COMMD5: variants seen among roughly 807,000 people sequenced by gnomAD.
COMMD5 encodes the protein COMM domain-containing protein 5.
A neutral mutation model predicts 6.9 loss-of-function variants in COMMD5; 10 were observed. That is an observed-to-expected ratio of 1.44 (90% CI 0.89 to 2.45). COMMD5 has a LOEUF of 2.45. COMMD5 is among the 30% of genes most tolerant of loss of function. COMMD5 has a pLI of 0.00. For missense variants in COMMD5, 234 were observed against 287.8 expected (o/e 0.81, Z 1.35); for synonymous variants, 127 against 125.3 (o/e 1.01, Z -0.09).
At position 144,852,847 on chromosome 8, in the gene COMMD5, G is replaced by T. The variant is rs971238961; in HGVS notation, c.-66C>A. 2 of 152,234 alleles carry T rather than the reference G, an allele frequency of 1.3e-5. No homozygotes were observed. Among genetic ancestry groups the T allele is most frequent in the African/African-American group, 4.8e-5 (2 of 41,458 alleles). 9.4% of individuals were successfully genotyped at this position (152,234 alleles called of 1,614,324 possible). A position where few individuals can be genotyped will look rare whatever the true frequency, so the allele number is the denominator to read the frequency against. On this transcript the variant is annotated 5_prime_UTR_variant, in exon 1 of 2. Coordinates refer to ENST00000305103, the MANE Select transcript of COMMD5 (RefSeq NM_014066.4). The stretch of plus-strand genomic sequence containing the variant: ...GTTCGGGGCCAACCTACCGGCGGGC[G>T]CTCCTCCGCGGAAAAGCCCCGCAGT...
chr8:144,850,370 T>C lies in COMMD5; in HGVS notation c.*294A>G. ...ATGTTGTCTACAAAGGGCCTCAACCTGGCCTCACATGGCCACGTCCAGCAC... is the reference window on the plus strand; with the variant it reads ...ATGTTGTCTACAAAGGGCCTCAACCCGGCCTCACATGGCCACGTCCAGCAC... On this transcript the variant is annotated 3_prime_UTR_variant, in exon 2 of 2. Coordinates refer to ENST00000305103, the MANE Select transcript of COMMD5 (RefSeq NM_014066.4). The surrounding 1 kb of genome is among the most constrained non-coding windows in gnomAD (Gnocchi z 4.0). The C allele has an allele frequency of 2.9e-6, 1 of 342,056 alleles. No homozygotes were observed. The allele number at this position is 342,056 out of a possible 1,614,324, so 21.2% of individuals were successfully genotyped here. A position where few individuals can be genotyped will look rare whatever the true frequency, so the allele number is the denominator to read the frequency against.
At chr8:144,843,054 AATT>A in intron 1 of COMMD5, 1 of 1,614,078 alleles carries the variant, frequency 6.2e-7, no homozygotes, top group Non-Finnish European at 8.5e-7. Flanking sequence ...GTTCACACCT[AATT>A]ATACACCAGA....
downstream of COMMD5, chr8:144,838,599 G>C (rs1829375075): frequency 6.4e-6 from 1 of 156,598 alleles, no homozygotes; most frequent in Admixed American, 6.4e-5. Flanking sequence ...GAGGCCACCG[G>C]CTTGTAGGGG....
chr8:144,844,631 C>A (rs2130747987), intron 1 of COMMD5, among the ~76,000 whole-genome samples: 1 of 147,860 alleles, frequency 6.8e-6, no homozygotes, highest in African/African-American at 2.5e-5. Flanking sequence ...ATGGTGTGAA[C>A]CTGGGAGGCA....
downstream of COMMD5, chr8:144,838,319 C>T (rs1239342539): frequency 6.8e-6 from 4 of 586,058 alleles, no homozygotes; most frequent in East Asian, 5.7e-5. Flanking sequence ...CAAACAAGGT[C>T]ACATTCTGAG....
At chr8:144,842,593 C>G in intron 1 of COMMD5, 1 of 1,614,202 alleles carries the variant, frequency 6.2e-7, no homozygotes, top group East Asian at 2.2e-5. Flanking sequence ...TGGAGAGAAA[C>G]CCTATGTGTG....
At chr8:144,841,356 T>C (rs1482094330) in exon 2 of COMMD5, 1 of 1,597,410 alleles carries the variant, frequency 6.3e-7, no homozygotes, top group Non-Finnish European at 8.6e-7. Context: ...TTATTTCAGA[T>C]TCTACGATTA....
rs779102435 is a variant in COMMD5, at chr8:144,850,925, A to C, written c.414T>G (p.Leu138=). 5 of 1,607,912 alleles carry C rather than the reference A, an allele frequency of 3.1e-6. No individual in the cohort carries two copies. The African/African-American group carries it at 6.7e-5, about 21-fold the overall frequency. The change falls in exon 2 of 2, where the codon CTT becomes CTG. Residue 138 remains leucine, a synonymous_variant. Transcript: ENST00000305103. The surrounding 1 kb of genome is among the most constrained non-coding windows in gnomAD (Gnocchi z 4.0). The part of the protein sequence containing the change: ...SVVFGSQRPL[L]DSVAQQQGAW... ...CCCCCTGCTGCTGGGCCACAGAATC[A>C]AGGAGGGGCCGCTGGCTCCCAAATA...
rs1203260793 is a variant in COMMD5 at position 144,850,286 on chromosome 8, A to G, written c.*378T>C. 2.2e-5 allele frequency: 4 copies of G among 184,228 alleles called. No homozygotes were observed. Among genetic ancestry groups the G allele is most frequent in the Admixed American group, 1.1e-4 (2 of 18,388 alleles). 11.4% of individuals were successfully genotyped at this position (184,228 alleles called of 1,614,324 possible). A position where few individuals can be genotyped will look rare whatever the true frequency, so the allele number is the denominator to read the frequency against. On this transcript the variant is annotated 3_prime_UTR_variant, in exon 2 of 2. Coordinates refer to ENST00000305103, the MANE Select transcript of COMMD5 (RefSeq NM_014066.4). The surrounding 1 kb of genome is among the most constrained non-coding windows in gnomAD (Gnocchi z 4.0). ...TAAGGCAGAAGAGTGAAAATGCCCA[A>G]CCTAAAACACAAGATCTACAAAAGC...
chr8:144,838,195 C>T (rs1829307963), downstream of COMMD5: 1 of 699,590 alleles, frequency 1.4e-6, no homozygotes, highest in Non-Finnish European at 2.6e-6. Flanking sequence ...GCTGCCTTCT[C>T]CCTGCGTGTC....
chr8:144,850,170 G>T (rs1830672301), downstream of COMMD5: 1 of 156,904 alleles, frequency 6.4e-6, no homozygotes, highest in Non-Finnish European at 1.4e-5. The surrounding 1 kb of genome is among the most constrained non-coding windows in gnomAD (Gnocchi z 4.0). Context: ...ATCCTCTGAT[G>T]AGCTATTCCA....
chr8:144,851,452 G>C, intron 1 of COMMD5, 57 bp from the exon 2 acceptor site: 1 of 1,195,196 alleles, frequency 8.4e-7, no homozygotes, highest in Non-Finnish European at 1.2e-6. Flanking sequence ...GGGCCAGCGA[G>C]TGAGGGTTGA....
intron 1 of COMMD5, chr8:144,852,376 G>C (rs573245720): frequency 1.3e-5 from 2 of 152,320 alleles, no homozygotes; most frequent in Admixed American, 1.3e-4. Flanking sequence ...GGGTTCCGAC[G>C]CACCTGAAGG....
At chr8:144,842,216 C>T (rs1292775604) in intron 1 of COMMD5, 1 of 1,614,072 alleles carries the variant, frequency 6.2e-7, no homozygotes, top group East Asian at 2.2e-5. Context: ...TGTGGGAAGG[C>T]CTTCAGCCAG....
chr8:144,841,511 A>G, exon 2 of COMMD5: 1 of 1,614,212 alleles, frequency 6.2e-7, no homozygotes, highest in Non-Finnish European at 8.5e-7. Context: ...TTAGACAGTC[A>G]TCTGGGCAGT....
downstream of COMMD5, among the ~76,000 whole-genome samples, chr8:144,848,785 G>A (rs1400462796): frequency 2.0e-5 from 3 of 152,186 alleles, no homozygotes; most frequent in Non-Finnish European, 4.4e-5. Flanking sequence ...CCAAAATCCT[G>A]TGTGTGGCCT....
At chr8:144,840,098 C>T (rs1829680857), downstream of COMMD5, among the ~76,000 whole-genome samples, 2 of 152,202 alleles carry the variant, frequency 1.3e-5, no homozygotes. Flanking sequence ...CTGCACCTGG[C>T]CACCCTGCTC....
At chr8:144,841,301 A>G (rs1586833293) in exon 2 of COMMD5, 1 of 1,527,300 alleles carries the variant, frequency 6.5e-7, no homozygotes, top group Non-Finnish European at 8.8e-7. Flanking sequence ...TTGTAGTCTT[A>G]TCATTTCTCT....
chr8:144,841,630 G>A, exon 2 of COMMD5: 2 of 1,614,246 alleles, frequency 1.2e-6, no homozygotes, highest in East Asian at 2.2e-5. Flanking sequence ...TAAGGAGCTG[G>A]GAAGCAGCGG....
Sources: gnomAD v4.1 joint callset for allele counts (sites outside exome capture counted in the v4.1 genomes callset) on GRCh38, gnomAD v4.1.1 for gene constraint, Gnocchi (gnomAD v3.1) non-coding constraint, MANE v1.5 for transcripts, NCBI Gene and HGNC (gene_info 2026-07-23, HGNC 2026-07-21) for gene names.